The following OTOGL variants were observed in gnomAD, a reference collection of about 807,000 sequenced individuals.
OTOGL encodes otogelin like, also known as otogelin-like protein.
Under a neutral mutation model 318.5 loss-of-function variants are expected in OTOGL, and 285 were observed. The observed-to-expected ratio is 0.89, with a 90% CI of 0.81 to 0.99. OTOGL has a LOEUF of 0.99. OTOGL is among the 50% of genes least tolerant of loss of function. OTOGL has a pLI of 0.00. For synonymous variants in OTOGL, 987 were observed against 936.5 expected, an observed-to-expected ratio of 1.05 and a Z score of -0.99; for missense variants, 2,899 against 2,845.6, an observed-to-expected ratio of 1.02 and a Z score of -0.43.
intron 1 of OTOGL, among the ~76,000 whole-genome samples, chr12:80,193,506 A>C (rs1007660940): frequency 6.6e-6 from 1 of 152,058 alleles, no homozygotes; most frequent in Non-Finnish European, 1.5e-5. Flanking sequence ...TCAGAGTGAG[A>C]CTTCATCTAA....
chr12:80,267,847 A>G (rs1348452008), intron 22 of OTOGL, among the ~76,000 whole-genome samples: 1 of 152,074 alleles, frequency 6.6e-6, no homozygotes, highest in African/African-American at 2.4e-5. Flanking sequence ...TCATAACTGC[A>G]GAAAGGAGTT....
chr12:80,137,870 T>C (rs1871675942), intron 1 of OTOGL, among the ~76,000 whole-genome samples: 1 of 152,234 alleles, frequency 6.6e-6, no homozygotes, highest in Non-Finnish European at 1.5e-5. Flanking sequence ...CTGGTTCACG[T>C]TGATAAAAAT....
At chr12:80,109,271 C>T (rs1243019093) in intron 1 of OTOGL, among the ~76,000 whole-genome samples, 1 of 152,020 alleles carries the variant, frequency 6.6e-6, no homozygotes, top group Non-Finnish European at 1.5e-5. Flanking sequence ...AAATGTATCA[C>T]AATAAAATAT....
intron 38 of OTOGL, among the ~76,000 whole-genome samples, 189 bp downstream of exon 38, chr12:80,333,267 T>C (rs1269140151): frequency 6.6e-6 from 1 of 151,876 alleles, no homozygotes; most frequent in Non-Finnish European, 1.5e-5. Context: ...AATTAGCTTC[T>C]AGTCACACTA....
intron 1 of OTOGL, among the ~76,000 whole-genome samples, chr12:80,178,068 T>C (rs1329475078): frequency 7.4e-6 from 1 of 134,536 alleles, no homozygotes; most frequent in East Asian, 2.0e-4. Flanking sequence ...TTTCTTTTTT[T>C]TTTTTTTTTT....
chr12:80,265,137 T>G lies in OTOGL; in HGVS notation c.2151T>G (p.Ala717=). The change falls in exon 20 of 59, where the codon GCT becomes GCG. Residue 717 remains alanine (A), a synonymous_variant. Coordinates refer to ENST00000547103, the MANE Select transcript of OTOGL (RefSeq NM_001378609.3). ...GTGGAAGCTCCTGCCTGTGCAATGC[T>G]CTTGCCCACTATGCCTACCTCTGCG... ...CKCGSSCLCN[A]LAHYAYLCGQ... The G allele has an allele frequency of 5.0e-6, 8 of 1,613,890 alleles. No homozygotes were observed. Among genetic ancestry groups the G allele is most frequent in the Non-Finnish European group, 6.8e-6 (8 of 1,179,862 alleles).
At chr12:80,296,429 T>C (rs534583436) in intron 26 of OTOGL, among the ~76,000 whole-genome samples, 9 of 152,302 alleles carry the variant, frequency 5.9e-5, no homozygotes, top group Non-Finnish European at 1.2e-4. Flanking sequence ...TATAGACAAA[T>C]AATTATTCAG....
Position 80,368,293 on chromosome 12 carries a change from C to T in OTOGL, c.6599C>T (p.Thr2200Ile), listed in dbSNP as rs144534056. Residue 2200 changes from threonine to isoleucine, a missense_variant, in exon 55 of 59, where the codon ACA becomes ATA. Around this residue, in one of 3 missense-constraint regions of OTOGL, gnomAD observed 289 missense variants for 304.6 expected, o/e 0.95. Coordinates refer to ENST00000547103, the MANE Select transcript of OTOGL (RefSeq NM_001378609.3). ...TGCAAATTTCACATGGAAAATGGAA[C>T]ATCAGTTGTATACGCGGTATGTTTC... ...VSCKFHMENG[T>I]SVVYAVGSTW... is the part of the protein sequence containing the mutation. The T allele has an allele frequency of 1.3e-6, 2 of 1,590,296 alleles. No individual in the cohort carries two copies. Among genetic ancestry groups the T allele is most frequent in the Non-Finnish European group, 1.7e-6 (2 of 1,164,834 alleles).
At chr12:80,261,593 T>G (rs1369129924) in intron 18 of OTOGL, among the ~76,000 whole-genome samples, 3 of 152,128 alleles carry the variant, frequency 2.0e-5, no homozygotes, top group Non-Finnish European at 4.4e-5. Context: ...GCTAAAGTTT[T>G]GGTTGTGTGA....
intron 7 of OTOGL, among the ~76,000 whole-genome samples, chr12:80,227,514 G>A (rs568239815): frequency 3.3e-5 from 5 of 152,264 alleles, no homozygotes; most frequent in East Asian, 1.9e-4. Flanking sequence ...CTCTAAAAGC[G>A]AATTGGAAAC....
At chr12:80,297,482 G>A (rs1030393459) in intron 27 of OTOGL, among the ~76,000 whole-genome samples, 12 of 151,804 alleles carry the variant, frequency 7.9e-5, no homozygotes, top group East Asian at 1.9e-4. Flanking sequence ...ACATATGCAC[G>A]CCACCACGCC....
At chr12:80,178,045 C>CT (rs1431639390) in intron 1 of OTOGL, among the ~76,000 whole-genome samples, 2 of 87,294 alleles carry the variant, frequency 2.3e-5, no homozygotes, top group Non-Finnish European at 5.4e-5. Flanking sequence ...CTATTCTTTT[C>CT]TTTCTTTCTT....
intron 29 of OTOGL, among the ~76,000 whole-genome samples, chr12:80,307,991 C>A (rs1446644069): frequency 1.5e-5 from 2 of 137,202 alleles, no homozygotes; most frequent in East Asian, 4.5e-4. Context: ...CCAGTAGGGG[C>A]GGCCGGGCAG....
At chr12:80,200,652 A>G (rs1876392052) in intron 1 of OTOGL, among the ~76,000 whole-genome samples, 1 of 152,186 alleles carries the variant, frequency 6.6e-6, no homozygotes, top group Non-Finnish European at 1.5e-5. Flanking sequence ...TGGATTGAGG[A>G]CATGCACAAA....
chr12:80,377,869 G>A lies in OTOGL; in HGVS notation c.6883G>A (p.Gly2295Ser), dbSNP rs781121960. Residue 2295 changes from glycine (G) to serine (S), a missense_variant, in exon 59 of 59, where the codon GGC (glycine) becomes AGC (serine). Gly to Ser is a moderately conservative substitution (Grantham distance 56, BLOSUM62 0). Around this residue, in one of 3 missense-constraint regions of OTOGL, gnomAD observed 289 missense variants for 304.6 expected, o/e 0.95. Coordinates refer to ENST00000547103, the MANE Select transcript of OTOGL (RefSeq NM_001378609.3). ...ACAGATAAATGTTGCATCTTGTGAC[G>A]GCAAATGCCCATCAGCTACCATATA... ...QSPINVASCDGKCPSATIYNI... is the reference protein window; with the variant it reads ...QSPINVASCDSKCPSATIYNI... 11 of 1,609,830 alleles carry A rather than the reference G, an allele frequency of 6.8e-6. No individual in the cohort carries two copies. The highest frequency in any genetic ancestry group is 4.5e-5 in the East Asian group (2 of 44,798).
At chr12:80,122,394 A>G (rs1870538430) in intron 1 of OTOGL, among the ~76,000 whole-genome samples, 1 of 152,200 alleles carries the variant, frequency 6.6e-6, no homozygotes, top group Non-Finnish European at 1.5e-5. Context: ...TAACTGTGCT[A>G]TGGCAAAAAG....
At chr12:80,236,756 T>G (rs937558668) in intron 9 of OTOGL, among the ~76,000 whole-genome samples, 1 of 152,012 alleles carries the variant, frequency 6.6e-6, no homozygotes, top group Non-Finnish European at 1.5e-5. Flanking sequence ...CCAGACAAAT[T>G]AGAAAGCCCT....
At chr12:80,368,380 A>T in intron 55 of OTOGL, 71 bp downstream of exon 55, 1 of 952,948 alleles carries the variant, frequency 1.0e-6, no homozygotes, top group Non-Finnish European at 1.5e-6. Context: ...AGTTTGGAAA[A>T]TGTCCCCCCC....
At chr12:80,159,812 A>G (rs530561763) in intron 1 of OTOGL, among the ~76,000 whole-genome samples, 1 of 152,300 alleles carries the variant, frequency 6.6e-6, no homozygotes, top group South Asian at 2.1e-4. Context: ...AGCAAAAAGA[A>G]CAAATCTACA....
Sources: allele counts gnomAD v4.1 joint callset (sites outside exome capture counted in the v4.1 genomes callset), GRCh38; gene constraint gnomAD v4.1.1; regional missense constraint gnomAD v4.1.1; transcripts MANE v1.5; gene names NCBI Gene and HGNC (gene_info 2026-07-23, HGNC 2026-07-21).